BARX2: variants seen among roughly 807,000 people sequenced by gnomAD.
BARX2 encodes homeobox protein BarH-like 2.
A neutral mutation model predicts 25.5 loss-of-function variants in BARX2; 11 were observed. The observed-to-expected ratio is 0.43, with a 90% CI of 0.27 to 0.71. The LOEUF is 0.71. Ranked by LOEUF, BARX2 falls within the 30% of genes least tolerant of loss-of-function variation. BARX2 has a pLI of 0.19. For missense variants in BARX2, 360 were observed against 359.9 expected (o/e 1.00, Z 0.00); for synonymous variants, 137 against 149.5 (o/e 0.92, Z 0.61).
chr11:129,383,408 C>T (rs773563160), intron 1 of BARX2, among the ~76,000 whole-genome samples: 3 of 152,070 alleles, frequency 2.0e-5, no homozygotes, highest in Non-Finnish European at 4.4e-5. Flanking sequence ...TATTTGGGCT[C>T]GAGTTGAATC....
At chr11:129,424,947 T>C (rs546575167) in intron 1 of BARX2, among the ~76,000 whole-genome samples, 2 of 152,352 alleles carry the variant, frequency 1.3e-5, no homozygotes, top group African/African-American at 4.8e-5. Context: ...CTGGATCTGC[T>C]AAGTTGGGTG....
At chr11:129,401,852 A>G (rs1861778731) in intron 1 of BARX2, among the ~76,000 whole-genome samples, 1 of 151,870 alleles carries the variant, frequency 6.6e-6, no homozygotes, top group Non-Finnish European at 1.5e-5. Flanking sequence ...GCTACTTCAG[A>G]GGCTGAGGTG....
chr11:129,437,121 G>A (rs983131712), intron 2 of BARX2, 70 bp downstream of exon 2: 5 of 1,423,890 alleles, frequency 3.5e-6, no homozygotes, highest in Non-Finnish European at 3.7e-6. Context: ...CCCATTGTGG[G>A]CCGTGGAGCC....
intron 1 of BARX2, among the ~76,000 whole-genome samples, chr11:129,421,113 T>C (rs1338505490): frequency 6.6e-6 from 1 of 152,192 alleles, no homozygotes; most frequent in African/African-American, 2.4e-5. Context: ...AGGGAGCAAC[T>C]GTCTTTGGTC....
intron 1 of BARX2, among the ~76,000 whole-genome samples, chr11:129,382,422 G>T (rs1443345640): frequency 6.6e-6 from 1 of 152,146 alleles, no homozygotes; most frequent in African/African-American, 2.4e-5. Context: ...CAGGTGATCT[G>T]CCCGCTTTGG....
Position 129,451,148 on chromosome 11 carries a change from G to A in BARX2, c.586G>A (p.Gly196Arg). The stretch of plus-strand genomic sequence containing the variant: ...TTTACTCACGTAGGTTCTTAAAGGT[G>A]GACAGGAAGCACCCACAAAACCCAA... Reference protein sequence around the residue: ...MKWKKMVLKGGQEAPTKPKGR... With the variant: ...MKWKKMVLKGRQEAPTKPKGR... Residue 196 changes from glycine to arginine, a missense_variant, in exon 4 of 4, where the codon GGA becomes AGA. Coordinates refer to ENST00000281437, the MANE Select transcript of BARX2 (RefSeq NM_003658.5). The A allele has an allele frequency of 6.2e-7, 1 of 1,613,802 alleles. No homozygotes were observed. Among genetic ancestry groups the A allele is most frequent in the Non-Finnish European group, 8.5e-7 (1 of 1,179,814 alleles).
chr11:129,396,583 A>T (rs1040802154), intron 1 of BARX2, among the ~76,000 whole-genome samples: 1 of 151,730 alleles, frequency 6.6e-6, no homozygotes, highest in Non-Finnish European at 1.5e-5. Flanking sequence ...ATGAGGGATA[A>T]TGGTTCATTT....
rs573201236 is a variant in BARX2 at position 129,450,998 on chromosome 11, G to C, written c.574-138G>C. 16 of 1,007,962 alleles carry C rather than the reference G, an allele frequency of 1.6e-5. No individual in the cohort carries two copies. In the East Asian group the frequency reaches 3.7e-4, roughly 23 times the overall value. 62.4% of individuals were successfully genotyped at this position (1,007,962 alleles called of 1,614,324 possible). ...CTTTGTAGACCAGAGGTGATGGGTT[G>C]AGAATATATTTTGCCAAATCCTGCA... On this transcript the variant is annotated intron_variant, in intron 3 of 3. Coordinates refer to ENST00000281437, the MANE Select transcript of BARX2 (RefSeq NM_003658.5).
chr11:129,427,327 A>AACT (rs1394384602), intron 1 of BARX2, among the ~76,000 whole-genome samples: 5 of 152,176 alleles, frequency 3.3e-5, no homozygotes, highest in Non-Finnish European at 7.3e-5. Flanking sequence ...CACTACCTCA[A>AACT]ACTACCAGCC....
intron 1 of BARX2, among the ~76,000 whole-genome samples, chr11:129,434,319 T>G (rs1862162628): frequency 6.7e-6 from 1 of 148,504 alleles, no homozygotes; most frequent in South Asian, 2.1e-4. Flanking sequence ...AATCCTAACA[T>G]TTTGGGAGGC....
intron 1 of BARX2, among the ~76,000 whole-genome samples, chr11:129,414,369 G>A (rs893308862): frequency 2.9e-4 from 44 of 152,068 alleles, no homozygotes; most frequent in Admixed American, 6.6e-5. Flanking sequence ...AAGAGCTACC[G>A]AGATAAAGGA....
At chr11:129,398,635 A>C (rs1326881020) in intron 1 of BARX2, among the ~76,000 whole-genome samples, 4 of 152,262 alleles carry the variant, frequency 2.6e-5, no homozygotes, top group African/African-American at 9.6e-5. Context: ...ACTAAAAAAT[A>C]AATCTTGTTG....
At chr11:129,422,319 A>G (rs974940905) in intron 1 of BARX2, among the ~76,000 whole-genome samples, 1 of 152,084 alleles carries the variant, frequency 6.6e-6, no homozygotes, top group African/African-American at 2.4e-5. Context: ...TTTTTTAGAG[A>G]TAGAGTCTCA....
intron 1 of BARX2, among the ~76,000 whole-genome samples, chr11:129,432,579 T>C (rs1862141495): frequency 6.6e-6 from 1 of 152,218 alleles, no homozygotes; most frequent in African/African-American, 2.4e-5. Context: ...GTCATAAAAC[T>C]AAACACATTT....
chr11:129,406,868 T>C (rs568355786), intron 1 of BARX2, among the ~76,000 whole-genome samples: 1 of 152,354 alleles, frequency 6.6e-6, no homozygotes, highest in Non-Finnish European at 1.5e-5. Context: ...ACTGGTTTTA[T>C]AGGAATATTT....
chr11:129,445,960 TGGAACTGGAAAA>T (rs1350628904), intron 3 of BARX2, among the ~76,000 whole-genome samples: 2 of 152,170 alleles, frequency 1.3e-5, no homozygotes, highest in Non-Finnish European at 2.9e-5. Context: ...GTAACCTAAT[TGGAACTGGAAAA>T]AGATTAGCAG....
intron 1 of BARX2, among the ~76,000 whole-genome samples, chr11:129,404,481 A>G (rs368662100): frequency 3.3e-5 from 5 of 152,360 alleles, no homozygotes; most frequent in African/African-American, 1.2e-4. Flanking sequence ...GAGAGAAAGC[A>G]AGTGTCTGCC....
At chr11:129,427,563 C>A (rs1400962446) in intron 1 of BARX2, among the ~76,000 whole-genome samples, 2 of 152,156 alleles carry the variant, frequency 1.3e-5, no homozygotes, top group Non-Finnish European at 2.9e-5. Flanking sequence ...GTCAAGCAGG[C>A]AGCTTAGAAA....
chr11:129,418,756 C>T (rs1591439083), intron 1 of BARX2, among the ~76,000 whole-genome samples: 1 of 152,080 alleles, frequency 6.6e-6, no homozygotes, highest in African/African-American at 2.4e-5. Context: ...GTATAACGAA[C>T]GCCTGGCATA....
Sources: allele counts gnomAD v4.1 joint callset (sites outside exome capture counted in the v4.1 genomes callset), GRCh38; gene constraint gnomAD v4.1.1; transcripts MANE v1.5; gene names NCBI Gene and HGNC (gene_info 2026-07-23, HGNC 2026-07-21).